ARB2A: variants seen among roughly 807,000 people sequenced by gnomAD.
The protein encoded by ARB2A is ARB2 cotranscriptional regulator A.
chr5:93,872,873 C>T, the ARB2A span, among the ~76,000 whole-genome samples: 5 of 151,586 alleles, frequency 3.3e-5, no homozygotes, highest in East Asian at 5.9e-4. Flanking sequence ...GCCGAGATCG[C>T]GCCACTGCAC....
At chr5:93,970,432 T>G in the ARB2A span, among the ~76,000 whole-genome samples, 1 of 152,100 alleles carries the variant, frequency 6.6e-6, no homozygotes. Flanking sequence ...AACTAAAACA[T>G]TAGAAGAAAT....
At chr5:93,727,397 T>C in the ARB2A span, among the ~76,000 whole-genome samples, 2 of 152,056 alleles carry the variant, frequency 1.3e-5, no homozygotes, top group East Asian at 1.9e-4. Flanking sequence ...TAAGAGCTGG[T>C]TGGAAAACAA....
At chr5:93,764,391 C>A in the ARB2A span, among the ~76,000 whole-genome samples, 1 of 152,190 alleles carries the variant, frequency 6.6e-6, no homozygotes, top group Non-Finnish European at 1.5e-5. Context: ...CACAGAAATA[C>A]AAACTACCAT....
At chr5:94,047,697 G>A in the ARB2A span, among the ~76,000 whole-genome samples, 1 of 152,050 alleles carries the variant, frequency 6.6e-6, no homozygotes, top group African/African-American at 2.4e-5. Flanking sequence ...ATAAATCTGT[G>A]TGCCTCCATA....
chr5:93,852,329 A>G, the ARB2A span, among the ~76,000 whole-genome samples: 2 of 151,736 alleles, frequency 1.3e-5, no homozygotes, highest in Non-Finnish European at 2.9e-5. Flanking sequence ...AATTTGTTGG[A>G]GTTCATTATA....
chr5:93,888,857 G>A, the ARB2A span, among the ~76,000 whole-genome samples: 2 of 151,474 alleles, frequency 1.3e-5, no homozygotes, highest in South Asian at 4.1e-4. Flanking sequence ...GCAAGTATGA[G>A]GACATAACGA....
the ARB2A span, among the ~76,000 whole-genome samples, chr5:93,893,254 A>G: frequency 6.6e-5 from 10 of 152,142 alleles, no homozygotes; most frequent in Non-Finnish European, 1.2e-4. Context: ...CAGCCACTCA[A>G]TGGGGAGCGG....
At chr5:93,698,022 A>G in the ARB2A span, among the ~76,000 whole-genome samples, 1 of 152,202 alleles carries the variant, frequency 6.6e-6, no homozygotes, top group Admixed American at 6.5e-5. Flanking sequence ...TACAGTCCCC[A>G]GAATAACCGT....
the ARB2A span, among the ~76,000 whole-genome samples, chr5:93,687,620 A>T: frequency 1.0e-3 from 154 of 152,280 alleles, no homozygotes; most frequent in Non-Finnish European, 1.9e-3. Flanking sequence ...GGTAAATAGA[A>T]CGTATTATTT....
chr5:93,740,622 G>A, the ARB2A span: 1 of 1,606,528 alleles, frequency 6.2e-7, no homozygotes, highest in East Asian at 2.2e-5. Flanking sequence ...CAGAGGAGTG[G>A]GCTACCCCTG....
At chr5:93,954,210 C>T in the ARB2A span, among the ~76,000 whole-genome samples, 1 of 152,116 alleles carries the variant, frequency 6.6e-6, no homozygotes. Context: ...TTCACCATTG[C>T]CACCACAGCT....
At chr5:93,834,389 G>A in the ARB2A span, among the ~76,000 whole-genome samples, 1 of 152,110 alleles carries the variant, frequency 6.6e-6, no homozygotes, top group Admixed American at 6.5e-5. Context: ...CTCGATTTCT[G>A]AAAGACTAGT....
chr5:94,005,920 T>C, the ARB2A span, among the ~76,000 whole-genome samples: 9 of 152,138 alleles, frequency 5.9e-5, no homozygotes, highest in Non-Finnish European at 5.9e-5. Context: ...GGATAACCCA[T>C]ACACTGCTGG....
chr5:93,960,419 C>T, the ARB2A span, among the ~76,000 whole-genome samples: 3 of 152,248 alleles, frequency 2.0e-5, no homozygotes, highest in South Asian at 6.2e-4. Context: ...CAAGATCTAA[C>T]ATATTGTATG....
the ARB2A span, among the ~76,000 whole-genome samples, chr5:93,791,212 T>C: frequency 6.6e-6 from 1 of 152,234 alleles, no homozygotes; most frequent in South Asian, 2.1e-4. Flanking sequence ...AAGATGACTA[T>C]AGATTCCAGT....
the ARB2A span, among the ~76,000 whole-genome samples, chr5:93,679,371 G>A: frequency 2.0e-5 from 3 of 151,620 alleles, no homozygotes; most frequent in African/African-American, 2.4e-5. Flanking sequence ...TCAACACGTC[G>A]AAAATGTCCA....
the ARB2A span, among the ~76,000 whole-genome samples, chr5:93,944,607 AGAGGG>A: frequency 0.095 from 13,294 of 140,412 alleles, 759 homozygotes; most frequent in Middle Eastern, 0.16. Context: ...AGAGGGCAGG[AGAGGG>A]GAGGGGAGGG....
chr5:93,958,712 T>C, the ARB2A span: 1 of 1,164,926 alleles, frequency 8.6e-7, no homozygotes, highest in Admixed American at 2.7e-5. Flanking sequence ...TGAAGAAACA[T>C]AAAAACATAT....
chr5:93,857,939 A>G, the ARB2A span, among the ~76,000 whole-genome samples: 3 of 152,104 alleles, frequency 2.0e-5, no homozygotes, highest in Admixed American at 6.6e-5. Context: ...CTGCCCCCAC[A>G]TTACATGTAT....
Sources: allele counts gnomAD v4.1 joint callset (sites outside exome capture counted in the v4.1 genomes callset), GRCh38; gene constraint gnomAD v4.1.1; transcripts MANE v1.5; gene names NCBI Gene and HGNC (gene_info 2026-07-23, HGNC 2026-07-21).